NRXN3: variants seen among roughly 807,000 people sequenced by gnomAD.
NRXN3 encodes the protein neurexin 3, also known as neurexin III.
A neutral mutation model predicts 137.6 loss-of-function variants in NRXN3; 32 were observed. The ratio of observed to expected loss-of-function variants is 0.23; its 90% CI spans 0.18 to 0.31. NRXN3 has a LOEUF of 0.31. Among genes scored for constraint, NRXN3 ranks in the 10% least tolerant of loss-of-function variants. The pLI is 1.00. For synonymous variants in NRXN3, 798 were observed against 784.5 expected (o/e 1.02, Z -0.29); for missense variants, 1,574 against 2,062.5 (o/e 0.76, Z 4.59).
chr14:79,469,528 G>A (rs987377823), intron 16 of NRXN3, among the ~76,000 whole-genome samples: 17 of 152,050 alleles, frequency 1.1e-4, no homozygotes, highest in Non-Finnish European at 2.1e-4. Flanking sequence ...ATTTGACATA[G>A]TATAATATTA....
chr14:78,380,149 C>T (rs558262564), intron 4 of NRXN3, among the ~76,000 whole-genome samples: 22 of 151,954 alleles, frequency 1.4e-4, no homozygotes, highest in African/African-American at 5.3e-4. Flanking sequence ...ACTTGGAAGA[C>T]TCAAAATAGT....
At chr14:79,008,941 G>A (rs928240542) in intron 15 of NRXN3, among the ~76,000 whole-genome samples, 22 of 152,150 alleles carry the variant, frequency 1.4e-4, no homozygotes, top group African/African-American at 4.8e-4. Flanking sequence ...AAAGACGTGA[G>A]CCACCACGCC....
chr14:79,701,211 G>T (rs938659637), intron 19 of NRXN3, among the ~76,000 whole-genome samples: 3 of 152,122 alleles, frequency 2.0e-5, no homozygotes, highest in Middle Eastern at 3.4e-3. Flanking sequence ...TTAAAACTTT[G>T]TTCATCCTCA....
Position 78,943,617 on chromosome 14 carries a change from AAAAAATATATATATAT to A in NRXN3, c.2276-13623_2276-13608del, listed in dbSNP as rs1374086569. Among the ~76,000 whole-genome samples the A allele has an allele frequency of 5.9e-4, 24 of 40,528 alleles. 1 individual carries two copies. The highest frequency in any genetic ancestry group is 1.7e-3 in the East Asian group (2 of 1,144). The allele number at this position is 40,528 out of a possible 152,430, so 26.6% of individuals were successfully genotyped here. A position where few individuals can be genotyped will look rare whatever the true frequency, so the allele number is the denominator to read the frequency against. ...AAGAAGCAAGATCACTGTTAAAAAA[AAAAAATATATATATAT>A]ATATATATATATATATATATATATA... On this transcript the variant is annotated intron_variant, in intron 10 of 20. Coordinates refer to ENST00000335750, the MANE Select transcript of NRXN3 (RefSeq NM_001330195.2).
At chr14:78,174,753 G>T (rs2059101145) in intron 1 of NRXN3, among the ~76,000 whole-genome samples, 2 of 152,182 alleles carry the variant, frequency 1.3e-5, no homozygotes, top group Admixed American at 1.3e-4. Context: ...CAAGGTAGTT[G>T]AGAGGAGGGT....
intron 8 of NRXN3, among the ~76,000 whole-genome samples, chr14:78,788,364 G>A (rs1429616087): frequency 2.0e-5 from 3 of 152,114 alleles, no homozygotes; most frequent in Non-Finnish European, 4.4e-5. Context: ...TGCAACTCTG[G>A]ATCCATTTCC....
chr14:78,375,006 T>C (rs551415749), intron 4 of NRXN3, among the ~76,000 whole-genome samples: 50 of 152,224 alleles, frequency 3.3e-4, no homozygotes, highest in African/African-American at 9.9e-4. Context: ...AATTAGAAAA[T>C]GTTTGCCATT....
intron 15 of NRXN3, among the ~76,000 whole-genome samples, chr14:79,400,080 A>T: frequency 6.6e-6 from 1 of 152,132 alleles, no homozygotes; most frequent in Non-Finnish European, 1.5e-5. Flanking sequence ...TTTGGAACCC[A>T]CCCTAATCCA....
At chr14:78,580,056 T>A (rs1260840651) in intron 4 of NRXN3, among the ~76,000 whole-genome samples, 1 of 152,158 alleles carries the variant, frequency 6.6e-6, no homozygotes, top group African/African-American at 2.4e-5. Context: ...TGGTAAGTGG[T>A]CTTCAAATGC....
chr14:78,532,150 C>CAAAAAAA (rs386381910), intron 4 of NRXN3, among the ~76,000 whole-genome samples: 31 of 121,328 alleles, frequency 2.6e-4, no homozygotes, highest in South Asian at 5.4e-4. Context: ...ACTAAAAATA[C>CAAAAAAA]AAAAAAAAAA....
chr14:79,194,672 G>A (rs950944244), intron 15 of NRXN3, among the ~76,000 whole-genome samples: 2 of 152,202 alleles, frequency 1.3e-5, no homozygotes, highest in African/African-American at 4.8e-5. Context: ...TGTGTTGGAT[G>A]TAATTGCTTT....
intron 16 of NRXN3, among the ~76,000 whole-genome samples, chr14:79,561,895 A>G (rs2097501535): frequency 1.3e-5 from 2 of 152,180 alleles, no homozygotes; most frequent in East Asian, 3.9e-4. Context: ...AACCCAGATA[A>G]TACTTCGTTT....
intron 1 of NRXN3, among the ~76,000 whole-genome samples, chr14:78,200,207 G>C (rs1332664812): frequency 6.6e-6 from 1 of 152,186 alleles, no homozygotes; most frequent in African/African-American, 2.4e-5. Context: ...TGGGAAGGAG[G>C]CCAACCCAAA....
At chr14:78,368,523 C>A (rs1398294469) in intron 4 of NRXN3, among the ~76,000 whole-genome samples, 1 of 152,148 alleles carries the variant, frequency 6.6e-6, no homozygotes, top group Admixed American at 6.5e-5. Flanking sequence ...GAAACCCCGT[C>A]TCTACTAAAA....
chr14:79,276,170 T>C (rs991780694), intron 15 of NRXN3, among the ~76,000 whole-genome samples: 4 of 152,142 alleles, frequency 2.6e-5, no homozygotes, highest in Non-Finnish European at 5.9e-5. Context: ...TCACTGGAGC[T>C]AAAAATCTTT....
rs974121340 is a variant in NRXN3, at chr14:79,040,313, C to G, written c.3262+52172C>G. On this transcript the variant is annotated intron_variant, in intron 15 of 20. Transcript: ENST00000335750. ...ATGTATACCTGAATGAATAAAAGCTCTTAGAGTGACAGAAATGTAAACAAA... is the reference window on the plus strand; with the variant it reads ...ATGTATACCTGAATGAATAAAAGCTGTTAGAGTGACAGAAATGTAAACAAA... Among the ~76,000 whole-genome samples, 3 of 152,102 alleles carry G rather than the reference C, an allele frequency of 2.0e-5. No homozygotes were observed. The East Asian group carries it at 5.8e-4, about 29-fold the overall frequency.
chr14:78,691,156 T>A (rs1221505071), intron 6 of NRXN3, among the ~76,000 whole-genome samples: 1 of 152,148 alleles, frequency 6.6e-6, no homozygotes, highest in African/African-American at 2.4e-5. Context: ...GCACAGATAT[T>A]GCATATTATG....
At chr14:79,082,777 A>G (rs1000493442) in intron 15 of NRXN3, among the ~76,000 whole-genome samples, 1 of 152,186 alleles carries the variant, frequency 6.6e-6, no homozygotes, top group Non-Finnish European at 1.5e-5. Flanking sequence ...AGTTGCATAC[A>G]TGTCATAAAA....
chr14:79,091,077 A>C (rs1374239284), intron 15 of NRXN3, among the ~76,000 whole-genome samples: 2 of 30,464 alleles, frequency 6.6e-5, no homozygotes, highest in Non-Finnish European at 2.2e-4. Flanking sequence ...TGTCTCAGTA[A>C]AAAAAAAAAA....
Sources: gnomAD v4.1 joint callset for allele counts (sites outside exome capture counted in the v4.1 genomes callset) on GRCh38, gnomAD v4.1.1 for gene constraint, MANE v1.5 for transcripts, NCBI Gene and HGNC (gene_info 2026-07-23, HGNC 2026-07-21) for gene names.